ESR1: variants seen among roughly 807,000 people sequenced by gnomAD.
The protein encoded by ESR1 is estrogen receptor 1.
In ESR1, 12 loss-of-function variants were observed where a neutral mutation model predicts 52.7. The observed-to-expected ratio is 0.23, with a 90% CI of 0.15 to 0.37. ESR1 has a LOEUF of 0.37. Among genes scored for constraint, ESR1 ranks in the 10% least tolerant of loss-of-function variants. ESR1 has a pLI of 1.00. For synonymous variants in ESR1, 305 were observed against 316.8 expected (o/e 0.96, Z 0.39); for missense variants, 584 against 779.7 (o/e 0.75, Z 2.99).
At chr6:151,664,736 T>C (rs1355737822) in intron 1 of ESR1, among the ~76,000 whole-genome samples, 1 of 152,244 alleles carries the variant, frequency 6.6e-6, no homozygotes, top group Non-Finnish European at 1.5e-5. Context: ...GTTCTACTTT[T>C]TTCTTTTTCA....
intron 2 of ESR1, among the ~76,000 whole-genome samples, chr6:151,733,719 G>GA (rs1376425211): frequency 6.6e-6 from 1 of 151,880 alleles, no homozygotes; most frequent in Non-Finnish European, 1.5e-5. Flanking sequence ...GCTTAATTAA[G>GA]AAAAAAAGAA....
chr6:152,046,989 C>T (rs565789403), intron 5 of ESR1, among the ~76,000 whole-genome samples: 1 of 152,222 alleles, frequency 6.6e-6, no homozygotes, highest in South Asian at 2.1e-4. Flanking sequence ...CGAAAATAAC[C>T]ACCTCTTACC....
At chr6:151,836,313 G>A (rs765187100) in intron 1 of ESR1, among the ~76,000 whole-genome samples, 4 of 152,162 alleles carry the variant, frequency 2.6e-5, no homozygotes, top group Non-Finnish European at 5.9e-5. Flanking sequence ...ACAGTGCCAC[G>A]TGGTTGGGGA....
At chr6:151,947,742 A>G (rs1318101426) in intron 4 of ESR1, among the ~76,000 whole-genome samples, 1 of 152,216 alleles carries the variant, frequency 6.6e-6, no homozygotes, top group African/African-American at 2.4e-5. Context: ...GTTCCAATCC[A>G]TAAAGTACTT....
At chr6:151,975,140 C>T (rs950465501) in intron 4 of ESR1, among the ~76,000 whole-genome samples, 2 of 152,186 alleles carry the variant, frequency 1.3e-5, no homozygotes, top group African/African-American at 2.4e-5. Context: ...TTTGAGGCAC[C>T]TATCTTTCAG....
At chr6:151,858,473 A>C (rs1788278812) in intron 2 of ESR1, among the ~76,000 whole-genome samples, 1 of 152,140 alleles carries the variant, frequency 6.6e-6, no homozygotes, top group Non-Finnish European at 1.5e-5. Flanking sequence ...AGCATGCTAC[A>C]CACATAGACT....
intron 1 of ESR1, among the ~76,000 whole-genome samples, chr6:151,830,252 C>G (rs1782181849): frequency 6.6e-6 from 1 of 152,144 alleles, no homozygotes. Context: ...GATGCTTTCT[C>G]TTCCTTCTGG....
chr6:151,891,330 G>A (rs1250374095), intron 3 of ESR1, among the ~76,000 whole-genome samples: 2 of 152,098 alleles, frequency 1.3e-5, no homozygotes, highest in East Asian at 3.9e-4. Flanking sequence ...TATCTTGTTT[G>A]TACAATTTTC....
In ESR1 at chr6:152,045,239, T is replaced by C. The variant is rs72993630; in HGVS notation, c.1236-15752T>C. Among the ~76,000 whole-genome samples the C allele has an allele frequency of 9.1e-3, 1,390 of 152,294 alleles. 12 individuals are homozygous for C. The highest frequency in any genetic ancestry group is 0.014 in the Non-Finnish European group (981 of 68,028). On this transcript the variant is annotated intron_variant, in intron 5 of 7. Transcript: ENST00000206249. Reference sequence around the variant, plus strand: ...GATGCAAGAGCAGTGGAATCTTTAATTGACGAACCTGGTACCAAGCTGCCA... The same window carrying C: ...GATGCAAGAGCAGTGGAATCTTTAACTGACGAACCTGGTACCAAGCTGCCA...
intron 5 of ESR1, among the ~76,000 whole-genome samples, chr6:152,018,615 G>C (rs376910387): frequency 4.6e-5 from 7 of 152,112 alleles, no homozygotes; most frequent in African/African-American, 1.7e-4. Context: ...GCAGGTTTTG[G>C]GGGTGGGAGG....
intron 1 of ESR1, among the ~76,000 whole-genome samples, chr6:151,665,545 G>A (rs1562317436): frequency 6.6e-6 from 1 of 152,098 alleles, no homozygotes; most frequent in African/African-American, 2.4e-5. Flanking sequence ...GACCACGTGT[G>A]CACAGCCTCC....
At position 151,743,861 on chromosome 6, in the gene ESR1, CGTAGA is replaced by C. The variant is rs1783283588; in HGVS notation, c.-71+41860_-71+41864del. The stretch of plus-strand genomic sequence containing the variant: ...TCTGCAGCTTTCACCACGAATTAAT[CGTAGA>C]GTATTTTCATCACCCCAGAGCCACC... On this transcript the variant is annotated intron_variant, in intron 2 of 2. Transcript: ENST00000404742. 2.6e-5 allele frequency among the ~76,000 whole-genome samples: 4 copies of C among 152,226 alleles called. No individual in the cohort carries two copies. The South Asian group carries it at 8.3e-4, about 32-fold the overall frequency.
downstream of ESR1, among the ~76,000 whole-genome samples, chr6:152,106,985 T>A (rs2051074261): frequency 6.6e-6 from 1 of 152,234 alleles, no homozygotes; most frequent in Admixed American, 6.5e-5. Context: ...CATGTTTTGA[T>A]GCTCACCTGT....
intron 2 of ESR1, among the ~76,000 whole-genome samples, chr6:151,855,449 T>C (rs1295072352): frequency 6.6e-6 from 1 of 152,228 alleles, no homozygotes; most frequent in Non-Finnish European, 1.5e-5. Context: ...AGCACATTTG[T>C]ACTCTGTCCA....
rs906893920 is a variant in ESR1, at chr6:152,100,035, A to C, written c.*1069A>C. The C allele has an allele frequency of 6.5e-5, 26 of 398,810 alleles. No individual in the cohort carries two copies. The highest frequency in any genetic ancestry group is 6.3e-4 in the Middle Eastern group (1 of 1,590). The allele number at this position is 398,810 out of a possible 1,614,324, so 24.7% of individuals were successfully genotyped here. On this transcript the variant is annotated 3_prime_UTR_variant, in exon 8 of 8. Coordinates refer to ENST00000206249, the MANE Select transcript of ESR1 (RefSeq NM_000125.4). ...GTGGCTACTAGAGAACAAGAGGGAA[A>C]GTAGGGCAGAAACTGGATACAGTTC...
chr6:151,685,865 A>C (rs1778644215), upstream of ESR1, among the ~76,000 whole-genome samples: 1 of 152,166 alleles, frequency 6.6e-6, no homozygotes, highest in Admixed American at 6.5e-5. Context: ...TTATGAAAGC[A>C]GATTTTAAAA....
chr6:151,755,640 C>CT (rs372816195), intron 2 of ESR1, among the ~76,000 whole-genome samples: 12,290 of 145,600 alleles, frequency 0.084, 1,134 homozygotes, highest in African/African-American at 0.23. Context: ...TTTTTCTTTT[C>CT]TTTTTTTTTT....
At chr6:151,876,056 G>C (rs1332646610) in intron 2 of ESR1, among the ~76,000 whole-genome samples, 1 of 152,136 alleles carries the variant, frequency 6.6e-6, no homozygotes, top group Admixed American at 6.5e-5. Context: ...AGAAGGTATG[G>C]TGGTGCCCAG....
At chr6:151,913,635 T>A (rs1454637525) in intron 3 of ESR1, among the ~76,000 whole-genome samples, 1 of 152,216 alleles carries the variant, frequency 6.6e-6, no homozygotes, top group Non-Finnish European at 1.5e-5. Context: ...TAGGACTTGG[T>A]TATCAAAATG....
Sources: allele counts gnomAD v4.1 joint callset (sites outside exome capture counted in the v4.1 genomes callset), GRCh38; gene constraint gnomAD v4.1.1; transcripts MANE v1.5; gene names NCBI Gene and HGNC (gene_info 2026-07-23, HGNC 2026-07-21).